The following CNBD2 variants were observed in gnomAD, a reference collection of about 807,000 sequenced individuals.
The protein encoded by CNBD2 is cyclic nucleotide binding domain containing 2.
A neutral mutation model predicts 63.7 loss-of-function variants in CNBD2; 64 were observed. The ratio of observed to expected loss-of-function variants is 1.00; its 90% confidence interval spans 0.82 to 1.24. CNBD2 has a LOEUF of 1.24. Among genes scored for constraint, CNBD2 ranks in the 50% most tolerant of loss-of-function variants. The probability of loss-of-function intolerance (pLI) is 0.00; values close to 1 mark genes in which losing one functional copy is unlikely to be tolerated. For missense variants in CNBD2, 691 were observed against 713.5 expected (o/e 0.97, Z 0.36); for synonymous variants, 229 against 255.4 (o/e 0.90, Z 0.99).
At chr20:35,960,119 G>A (rs2147168884), downstream of CNBD2, among the ~76,000 whole-genome samples, 1 of 152,308 alleles carries the variant, frequency 6.6e-6, no homozygotes, top group South Asian at 2.1e-4. Flanking sequence ...TCCTTAAGCT[G>A]TAATCCCAAA....
At chr20:36,011,020 T>A (rs903415402) in intron 9 of CNBD2, 117 bp from the exon 10 acceptor site, 8 of 1,120,502 alleles carry the variant, frequency 7.1e-6, no homozygotes, top group Non-Finnish European at 7.1e-6. Context: ...TCTGGGAAGT[T>A]GTGAATTCCC....
At chr20:35,972,792 A>G in intron 2 of CNBD2, 26 bp downstream of exon 2, 2 of 1,612,684 alleles carry the variant, frequency 1.2e-6, no homozygotes, top group Non-Finnish European at 1.7e-6. Flanking sequence ...CAGCAGGATT[A>G]TGAGGGCTCA....
At chr20:35,961,836 G>A (rs2056311136) in intron 2 of CNBD2, among the ~76,000 whole-genome samples, 1 of 152,108 alleles carries the variant, frequency 6.6e-6, no homozygotes, top group Non-Finnish European at 1.5e-5. Context: ...ATCAGTTGGA[G>A]CTTGGCAGCT....
At chr20:35,960,960 T>C (rs1211214985) in intron 2 of CNBD2, among the ~76,000 whole-genome samples, 40 of 147,788 alleles carry the variant, frequency 2.7e-4, no homozygotes, top group African/African-American at 9.6e-4. Flanking sequence ...TTCTTTCCTC[T>C]CGCTCTGTCA....
Position 36,030,396 on chromosome 20 carries a change from C to A in CNBD2, c.1479C>A (p.Ser493Arg), listed in dbSNP as rs754701377. ...GCCAGAAGTTCCTCCAGCAGAACAG[C>A]TGGAATATCTTTCGGAAGGACCTGT... ...DMCQKFLQQN[S>R]WNIFRKDLLQ... Residue 493 changes from serine (S) to arginine (R), a missense_variant, in exon 12 of 12, where the codon AGC (serine) becomes AGA (arginine). Physicochemically the swap from Ser to Arg is moderately radical, Grantham distance 110. Transcript: ENST00000373973. 6.2e-7 allele frequency: 1 copy of A among 1,614,120 alleles called. No homozygotes were observed. Among genetic ancestry groups the A allele is most frequent in the Non-Finnish European group, 8.5e-7 (1 of 1,180,026 alleles).
intron 9 of CNBD2, among the ~76,000 whole-genome samples, chr20:36,010,720 A>T (rs550987870): frequency 1.1e-4 from 16 of 152,050 alleles, no homozygotes; most frequent in Non-Finnish European, 1.5e-4. Flanking sequence ...CAGAGATCCC[A>T]TCAGTGCACT....
chr20:35,998,508 T>A (rs1476268742), intron 8 of CNBD2, among the ~76,000 whole-genome samples: 1 of 152,094 alleles, frequency 6.6e-6, no homozygotes, highest in Non-Finnish European at 1.5e-5. Context: ...GTTAAGTAGG[T>A]GAAGTTGGTT....
intron 8 of CNBD2, among the ~76,000 whole-genome samples, chr20:36,006,437 G>C (rs1267036305): frequency 6.6e-6 from 1 of 151,952 alleles, no homozygotes; most frequent in Non-Finnish European, 1.5e-5. Context: ...TTCTTTTTGA[G>C]ACAAGGTTTC....
At chr20:35,961,281 C>T (rs1454386480) in intron 2 of CNBD2, among the ~76,000 whole-genome samples, 1 of 152,150 alleles carries the variant, frequency 6.6e-6, no homozygotes, top group Non-Finnish European at 1.5e-5. Context: ...TTGCTTTTTG[C>T]AGTCCTATCT....
intron 1 of CNBD2, among the ~76,000 whole-genome samples, chr20:35,969,782 C>T (rs2056387020): frequency 6.6e-6 from 1 of 152,126 alleles, no homozygotes; most frequent in Non-Finnish European, 1.5e-5. Context: ...TCATGGCTAT[C>T]CCCTTGTACA....
At chr20:35,993,961 G>A (rs113066559) in intron 7 of CNBD2, among the ~76,000 whole-genome samples, 5 of 143,910 alleles carry the variant, frequency 3.5e-5, no homozygotes, top group East Asian at 2.1e-4. Flanking sequence ...GGCAACCTCC[G>A]CCTCCTGGGT....
intron 8 of CNBD2, among the ~76,000 whole-genome samples, chr20:36,001,816 G>T (rs1207248092): frequency 1.9e-4 from 28 of 151,284 alleles, no homozygotes; most frequent in Middle Eastern, 3.4e-3. Flanking sequence ...GGGCAGAGAC[G>T]CTCCTCACTT....
intron 8 of CNBD2, among the ~76,000 whole-genome samples, chr20:36,005,081 A>G (rs1476178288): frequency 6.6e-6 from 1 of 152,150 alleles, no homozygotes; most frequent in African/African-American, 2.4e-5. Flanking sequence ...TGTTTACCCT[A>G]CTGTGGCAGA....
Position 35,972,736 on chromosome 20 carries a change from C to T in CNBD2, c.159C>T (p.His53=). 1 of 1,614,190 alleles carries T rather than the reference C, an allele frequency of 6.2e-7. No homozygotes were observed. Among genetic ancestry groups the T allele is most frequent in the Non-Finnish European group, 8.5e-7 (1 of 1,180,018 alleles). Residue 53 remains histidine, a synonymous_variant, in exon 2 of 12, where the codon CAC becomes CAT. Coordinates refer to ENST00000373973, the MANE Select transcript of CNBD2 (RefSeq NM_001365709.1). ...FREYQIIETA[H]WKHPIFSFWD... is the part of the protein sequence containing the mutation. ...AATATCAAATCATTGAGACTGCTCA[C>T]TGGAAGCACCCTATCTTCTCCTTCT...
intron 4 of CNBD2, among the ~76,000 whole-genome samples, chr20:35,982,487 C>A (rs1436781593): frequency 2.6e-5 from 4 of 152,094 alleles, no homozygotes; most frequent in Non-Finnish European, 5.9e-5. Context: ...CACCTCTGCA[C>A]CTTTGGTCAT....
At chr20:35,985,149 A>T (rs887157660) in intron 6 of CNBD2, among the ~76,000 whole-genome samples, 2 of 151,906 alleles carry the variant, frequency 1.3e-5, no homozygotes, top group Non-Finnish European at 2.9e-5. Flanking sequence ...ATTAAAAAAA[A>T]TTAGCTGGGT....
At chr20:35,978,048 C>A (rs1435930310) in intron 3 of CNBD2, among the ~76,000 whole-genome samples, 5 of 152,110 alleles carry the variant, frequency 3.3e-5, no homozygotes, top group African/African-American at 1.2e-4. Flanking sequence ...ATCATAGACT[C>A]AATTATTGCA....
intron 10 of CNBD2, among the ~76,000 whole-genome samples, chr20:36,022,195 C>CTTTTTT (rs753206662): frequency 4.6e-4 from 26 of 56,306 alleles, no homozygotes; most frequent in Non-Finnish European, 6.9e-4. Flanking sequence ...TTTTTTTTTT[C>CTTTTTT]TTTTTTTTTT....
intron 5 of CNBD2, 112 bp downstream of exon 5, chr20:35,984,250 A>T (rs563555267): frequency 8.6e-7 from 1 of 1,156,736 alleles, no homozygotes; most frequent in African/African-American, 1.5e-5. Flanking sequence ...TGTACAAGTC[A>T]GTGTCCCGTG....
Sources: allele counts gnomAD v4.1 joint callset (sites outside exome capture counted in the v4.1 genomes callset), GRCh38; gene constraint gnomAD v4.1.1; transcripts MANE v1.5; gene names NCBI Gene and HGNC (gene_info 2026-07-23, HGNC 2026-07-21).